The following CCDC82 variants were observed in gnomAD, a reference collection of about 807,000 sequenced individuals.
CCDC82 encodes the protein coiled-coil domain-containing protein 82.
CCDC82 carries 47 observed loss-of-function variants against 60.6 expected under a neutral mutation model. The ratio of observed to expected loss-of-function variants is 0.77; its 90% CI spans 0.61 to 0.99. The LOEUF is 0.99. Ranked by LOEUF, CCDC82 falls within the 50% of genes least tolerant of loss-of-function variation. The pLI is 0.00. For missense variants in CCDC82, 588 were observed against 633.0 expected, an observed-to-expected ratio of 0.93 and a Z score of 0.76; for synonymous variants, 212 against 207.4, an observed-to-expected ratio of 1.02 and a Z score of -0.19.
At chr11:96,379,686 C>T (rs1446286816) in intron 5 of CCDC82, among the ~76,000 whole-genome samples, 1 of 151,846 alleles carries the variant, frequency 6.6e-6, no homozygotes, top group African/African-American at 2.4e-5. Context: ...AACACCAAAA[C>T]AGTTCTATCA....
intron 5 of CCDC82, among the ~76,000 whole-genome samples, chr11:96,375,043 CATAAT>C (rs758523411): frequency 2.0e-4 from 31 of 151,760 alleles, no homozygotes; most frequent in Non-Finnish European, 4.1e-4. Context: ...AAACTCTGGA[CATAAT>C]ATAATATTGG....
intron 9 of CCDC82, 83 bp downstream of exon 9, chr11:96,358,908 CTA>C: frequency 6.6e-6 from 8 of 1,203,854 alleles, no homozygotes; most frequent in Non-Finnish European, 9.4e-6. Context: ...TTAAATTTCA[CTA>C]TCTTTTAATC....
At chr11:96,365,722 C>T (rs969326022) in intron 7 of CCDC82, among the ~76,000 whole-genome samples, 2 of 152,166 alleles carry the variant, frequency 1.3e-5, no homozygotes, top group Admixed American at 6.5e-5. Flanking sequence ...AATGAGTAAA[C>T]AAACTGAGAA....
At chr11:96,373,339 TA>T (rs1162203769) in intron 6 of CCDC82, 35 bp downstream of exon 6, 1 of 1,328,534 alleles carries the variant, frequency 7.5e-7, no homozygotes, top group African/African-American at 1.5e-5. Context: ...GAAAAAGAAA[TA>T]AAAACCAATT....
chr11:96,384,334 G>A lies in CCDC82; in HGVS notation c.414C>T (p.Asn138=). The change falls in exon 4 of 10, where the codon AAC becomes AAT. Residue 138 remains asparagine (N), a synonymous_variant. Coordinates refer to ENST00000646818, the MANE Select transcript of CCDC82 (RefSeq NM_024725.4). ...KHLSQEDNDL[N]KQTGQIIEDD... is the part of the protein sequence containing the mutation. ...CCTCTATTATTTGTCCAGTTTGTTT[G>A]TTGAGATCATTATCCTCTTGACTTA... is the stretch of plus-strand genomic sequence containing the variant. 2 of 1,613,564 alleles carry A rather than the reference G, an allele frequency of 1.2e-6. No individual in the cohort carries two copies. The highest frequency in any genetic ancestry group is 1.7e-6 in the Non-Finnish European group (2 of 1,179,772).
intron 8 of CCDC82, 62 bp from the exon 9 acceptor site, chr11:96,359,240 T>C: frequency 1.5e-6 from 2 of 1,332,890 alleles, no homozygotes; most frequent in Non-Finnish European, 2.0e-6. Context: ...GGTTTTTGGA[T>C]TTTCTTTAGT....
chr11:96,378,049 C>T lies in CCDC82; in HGVS notation c.992-4582G>A, dbSNP rs116062396. On this transcript the variant is annotated intron_variant, in intron 5 of 9. Coordinates refer to ENST00000646818, the MANE Select transcript of CCDC82 (RefSeq NM_024725.4). ...GTTCTGTATTTCTGCCACTCCCTCC[C>T]CCAAATTTGTGAAATAGGGTCTTCG... Among the ~76,000 whole-genome samples, 162 of 152,018 alleles carry T rather than the reference C, an allele frequency of 1.1e-3. 1 individual carries two copies. The highest frequency in any genetic ancestry group is 3.8e-3 in the African/African-American group (156 of 41,538).
chr11:96,353,490 C>G lies in CCDC82; in HGVS notation c.*156G>C. The G allele has an allele frequency of 4.9e-6, 3 of 608,428 alleles. No individual in the cohort carries two copies. Among genetic ancestry groups the G allele is most frequent in the Non-Finnish European group, 8.7e-6 (3 of 343,972 alleles). 37.7% of individuals were successfully genotyped at this position (608,428 alleles called of 1,614,324 possible). ...AAAAGTTTAATTAGAGTGTAGAGTG[C>G]CACTTCACAGGAATTAAGATAATCA... On this transcript the variant is annotated 3_prime_UTR_variant, in exon 10 of 10. Transcript: ENST00000646818.
intron 6 of CCDC82, among the ~76,000 whole-genome samples, chr11:96,372,707 T>A (rs1416638903): frequency 1.4e-5 from 2 of 144,998 alleles, no homozygotes; most frequent in East Asian, 3.9e-4. Context: ...AAAATATATA[T>A]ATACATATAT....
At chr11:96,383,102 T>C (rs1278841291) in intron 5 of CCDC82, 167 bp downstream of exon 5, 1 of 574,536 alleles carries the variant, frequency 1.7e-6, no homozygotes, top group Non-Finnish European at 3.1e-6. Flanking sequence ...AAAATGTAAA[T>C]GGTTCCTGAG....
intron 5 of CCDC82, chr11:96,381,125 G>C (rs866071424): frequency 4.0e-5 from 6 of 151,488 alleles, no homozygotes; most frequent in Middle Eastern, 3.4e-3. Context: ...CAACTAAAAG[G>C]TGTAAAGAAG....
In CCDC82 at chr11:96,359,180, T is replaced by A; in HGVS notation, c.1381-2A>T. ...ACAAATTCTGCCAACAGTGAACACC[T>A]AAATCAAGAAATAAAGATTGTTATC... On this transcript the variant is annotated splice_acceptor_variant, in intron 8 of 9. Coordinates refer to ENST00000646818, the MANE Select transcript of CCDC82 (RefSeq NM_024725.4). LOFTEE classifies it high-confidence loss of function. The A allele has an allele frequency of 6.4e-7, 1 of 1,555,018 alleles. No individual in the cohort carries two copies. The highest frequency in any genetic ancestry group is 8.6e-7 in the Non-Finnish European group (1 of 1,160,114).
intron 8 of CCDC82, among the ~76,000 whole-genome samples, chr11:96,360,816 A>G (rs562402361): frequency 1.3e-5 from 2 of 152,342 alleles, no homozygotes; most frequent in South Asian, 2.1e-4. Flanking sequence ...AATAGAAGTT[A>G]TATCACAATG....
chr11:96,362,579 A>C (rs181936933), intron 8 of CCDC82, among the ~76,000 whole-genome samples: 1 of 152,258 alleles, frequency 6.6e-6, no homozygotes, highest in Admixed American at 6.5e-5. Flanking sequence ...AGTTCTCCCA[A>C]ACTACCTTTC....
At chr11:96,378,455 A>G (rs549836778) in intron 5 of CCDC82, among the ~76,000 whole-genome samples, 46 of 152,054 alleles carry the variant, frequency 3.0e-4, no homozygotes, top group Non-Finnish European at 6.2e-4. Flanking sequence ...GGAAAGTTCT[A>G]AGATTTAATA....
At chr11:96,360,206 T>G (rs1434676366) in intron 8 of CCDC82, among the ~76,000 whole-genome samples, 3 of 122,896 alleles carry the variant, frequency 2.4e-5, no homozygotes, top group Non-Finnish European at 5.4e-5. Flanking sequence ...ATATTTTTTT[T>G]GTTTTTTTTT....
Position 96,371,134 on chromosome 11 carries a change from C to G in CCDC82, c.1088G>C (p.Gly363Ala). The G allele has an allele frequency of 6.3e-7, 1 of 1,583,582 alleles. No homozygotes were observed. Among genetic ancestry groups the G allele is most frequent in the South Asian group, 1.2e-5 (1 of 83,942 alleles). ...DESFLGTLYD[G>A]TRQKSYAKDM... ...TTTTGCATATGATTTTTGCCTTGTG[C>G]CATCTGTTCAGGGGATAAACAACAA... Residue 363 changes from glycine to alanine, a missense_variant, in exon 7 of 10, where the codon GGC becomes GCC. Physicochemically the swap from Gly to Ala is moderately conservative, Grantham distance 60. Coordinates refer to ENST00000646818, the MANE Select transcript of CCDC82 (RefSeq NM_024725.4).
intron 3 of CCDC82, 26 bp from the exon 4 acceptor site, chr11:96,384,787 TA>T: frequency 7.1e-7 from 1 of 1,400,528 alleles, no homozygotes; most frequent in South Asian, 1.4e-5. Context: ...GTTAGGAATA[TA>T]ACAGTGATAA....
At chr11:96,389,821 C>G (rs1866453307) in intron 1 of CCDC82, 23 bp downstream of exon 1, 1 of 153,202 alleles carries the variant, frequency 6.5e-6, no homozygotes, top group African/African-American at 2.4e-5. Context: ...GGAGACAGCC[C>G]CGCACCGCCC....
Sources: allele counts gnomAD v4.1 joint callset (sites outside exome capture counted in the v4.1 genomes callset), GRCh38; gene constraint gnomAD v4.1.1; transcripts MANE v1.5; gene names NCBI Gene and HGNC (gene_info 2026-07-23, HGNC 2026-07-21).